Variants in TMEM163 observed in about 807,000 individuals in gnomAD.
TMEM163 encodes the protein transmembrane protein 163.
Under a neutral mutation model 29.3 loss-of-function variants are expected in TMEM163, and 17 were observed. The observed-to-expected ratio is 0.58, with a 90% CI of 0.40 to 0.87. The LOEUF is 0.87. Ranked by LOEUF, TMEM163 falls within the 40% of genes least tolerant of loss-of-function variation. The pLI is 0.00. For missense variants in TMEM163, 303 were observed against 381.5 expected, an observed-to-expected ratio of 0.79 and a Z score of 1.71; for synonymous variants, 157 against 160.6, an observed-to-expected ratio of 0.98 and a Z score of 0.17.
rs200429055 is a variant in TMEM163, at chr2:134,550,690, C to T, written c.367-29G>A. 3.7e-6 allele frequency: 6 copies of T among 1,601,494 alleles called. No individual in the cohort carries two copies. In the East Asian group the frequency reaches 1.1e-4, roughly 30 times the overall value. On this transcript the variant is annotated intron_variant, in intron 3 of 7. Coordinates refer to ENST00000281924, the MANE Select transcript of TMEM163 (RefSeq NM_030923.5). ...GGAGAAGGAGACATGGCATTAGAGGCTTTCCACAGTTAATAGCACACAAAT... is the reference window on the plus strand; with the variant it reads ...GGAGAAGGAGACATGGCATTAGAGGTTTTCCACAGTTAATAGCACACAAAT...
chr2:134,462,162 GTCTCTC>G (rs58581077), intron 6 of TMEM163, among the ~76,000 whole-genome samples: 24,803 of 151,362 alleles, frequency 0.16, 4,098 homozygotes, highest in African/African-American at 0.41. Flanking sequence ...TCTGCTCTCT[GTCTCTC>G]TCTCTCATTA....
intron 2 of TMEM163, among the ~76,000 whole-genome samples, chr2:134,602,713 C>G (rs1682263276): frequency 1.3e-5 from 2 of 152,132 alleles, no homozygotes; most frequent in Non-Finnish European, 2.9e-5. Flanking sequence ...ACTAATTAAC[C>G]TTTATCTTAC....
At position 134,713,224 on chromosome 2, in the gene TMEM163, G is replaced by C. The variant is rs142658303; in HGVS notation, c.298C>G (p.Leu100Val). Residue 100 changes from leucine to valine, a missense_variant, in exon 2 of 8, where the codon CTG becomes GTG. Around this residue, in one of 2 missense-constraint regions of TMEM163, gnomAD observed 203 missense variants for 294.3 expected, o/e 0.69. Coordinates refer to ENST00000281924, the MANE Select transcript of TMEM163 (RefSeq NM_030923.5). ...CTAAAGGCAGCCACCGCGAGGGCCA[G>C]GGTGACAATGATGGAGAACCAGGAC... ...WVSWFSIIVT[L>V]ALAVAAFTVS... The C allele has an allele frequency of 2.5e-6, 4 of 1,614,092 alleles. No individual in the cohort carries two copies. Among genetic ancestry groups the C allele is most frequent in the Non-Finnish European group, 3.4e-6 (4 of 1,179,990 alleles).
At chr2:134,473,798 A>G (rs1686858203) in intron 5 of TMEM163, among the ~76,000 whole-genome samples, 3 of 152,214 alleles carry the variant, frequency 2.0e-5, no homozygotes, top group Non-Finnish European at 4.4e-5. Context: ...GAAGAAATAG[A>G]CAAATCAAAC....
At chr2:134,674,294 T>C (rs2104869104) in intron 2 of TMEM163, among the ~76,000 whole-genome samples, 1 of 151,714 alleles carries the variant, frequency 6.6e-6, no homozygotes, top group South Asian at 2.1e-4. Flanking sequence ...CACTCATCTC[T>C]GGAGGGTAGG....
At chr2:134,709,043 C>G (rs1341859304) in intron 2 of TMEM163, among the ~76,000 whole-genome samples, 1 of 152,198 alleles carries the variant, frequency 6.6e-6, no homozygotes, top group Non-Finnish European at 1.5e-5. Context: ...TAAAAATTAA[C>G]TTGCACTCAA....
In TMEM163 at chr2:134,541,571, T is replaced by G. The variant is rs190110302; in HGVS notation, c.458+8999A>C. Among the ~76,000 whole-genome samples the G allele has an allele frequency of 9.5e-4, 144 of 152,346 alleles. 1 individual carries two copies. The highest frequency in any genetic ancestry group is 3.4e-3 in the Middle Eastern group (1 of 294). On this transcript the variant is annotated intron_variant, in intron 4 of 7. Transcript: ENST00000281924. ...TAAGGCATTGGAAATAACCCATGTC[T>G]TCAGCATAAAATTGCTAAAATAGGC...
intron 4 of TMEM163, among the ~76,000 whole-genome samples, chr2:134,512,530 A>C (rs1452662309): frequency 6.6e-6 from 1 of 152,228 alleles, no homozygotes; most frequent in Non-Finnish European, 1.5e-5. Flanking sequence ...TTAACTTGAT[A>C]AAGAGGAGTG....
At chr2:134,486,408 C>T (rs562248847) in intron 5 of TMEM163, among the ~76,000 whole-genome samples, 4 of 152,164 alleles carry the variant, frequency 2.6e-5, no homozygotes, top group African/African-American at 7.2e-5. Flanking sequence ...TTCGAAAAGA[C>T]GAGGACATAC....
chr2:134,641,657 A>G (rs977178450), intron 2 of TMEM163, among the ~76,000 whole-genome samples: 9 of 152,190 alleles, frequency 5.9e-5, no homozygotes, highest in African/African-American at 1.9e-4. Context: ...AACACGTTCA[A>G]ATAATTCAAA....
chr2:134,590,404 T>G (rs538560881), intron 2 of TMEM163, among the ~76,000 whole-genome samples: 130 of 152,292 alleles, frequency 8.5e-4, no homozygotes, highest in African/African-American at 2.9e-3. Flanking sequence ...TCTGAGCTAC[T>G]GTGGCTGCCC....
chr2:134,568,908 G>T (rs1028921917), intron 2 of TMEM163, among the ~76,000 whole-genome samples: 3 of 152,124 alleles, frequency 2.0e-5, no homozygotes, highest in African/African-American at 7.2e-5. Flanking sequence ...TGGGGAATCT[G>T]TCACAAGAAC....
At chr2:134,680,805 C>A (rs1166211110) in intron 2 of TMEM163, among the ~76,000 whole-genome samples, 1 of 152,142 alleles carries the variant, frequency 6.6e-6, no homozygotes, top group East Asian at 1.9e-4. Flanking sequence ...GGGGTTCAAG[C>A]CCAGCTTCGC....
intron 5 of TMEM163, chr2:134,467,748 C>T (rs1686702528): frequency 6.6e-6 from 1 of 152,130 alleles, no homozygotes; most frequent in Non-Finnish European, 1.5e-5. Context: ...TCTAGGGTTT[C>T]GTGAATAGTG....
At chr2:134,602,831 C>T (rs933070380) in intron 2 of TMEM163, among the ~76,000 whole-genome samples, 1 of 152,042 alleles carries the variant, frequency 6.6e-6, no homozygotes, top group Non-Finnish European at 1.5e-5. Context: ...CCGCCGAGGA[C>T]TCTTGTCTCC....
intron 2 of TMEM163, among the ~76,000 whole-genome samples, chr2:134,692,595 C>T (rs1394656500): frequency 1.3e-5 from 2 of 152,128 alleles, no homozygotes; most frequent in East Asian, 3.9e-4. Flanking sequence ...GAGGGCTCCC[C>T]GTGGGTTCCA....
At chr2:134,476,187 A>G (rs1686908446) in intron 5 of TMEM163, among the ~76,000 whole-genome samples, 1 of 152,244 alleles carries the variant, frequency 6.6e-6, no homozygotes, top group Non-Finnish European at 1.5e-5. Flanking sequence ...ATAGGGCTGC[A>G]TTTCAAAAGC....
intron 2 of TMEM163, among the ~76,000 whole-genome samples, chr2:134,647,727 G>T (rs1251964168): frequency 6.6e-6 from 1 of 152,240 alleles, no homozygotes; most frequent in African/African-American, 2.4e-5. Context: ...AAACTGGAGT[G>T]CACGGGTGCT....
rs78584779 is a variant in TMEM163, at chr2:134,682,987, G to A, written c.322+30213C>T. Among the ~76,000 whole-genome samples, 114 of 152,230 alleles carry A rather than the reference G, an allele frequency of 7.5e-4. 2 individuals are homozygous for A. In the East Asian group the frequency reaches 0.015, roughly 20 times the overall value. On this transcript the variant is annotated intron_variant, in intron 2 of 7. Transcript: ENST00000281924. Reference sequence around the variant, plus strand: ...GAAAAGACACGGAGGAACCGTAAACGCATATTGCAAAGAGAAAGAAGCCAA... The same window carrying A: ...GAAAAGACACGGAGGAACCGTAAACACATATTGCAAAGAGAAAGAAGCCAA...
Sources: gnomAD v4.1 joint callset for allele counts (sites outside exome capture counted in the v4.1 genomes callset) on GRCh38, gnomAD v4.1.1 for gene constraint, gnomAD v4.1.1 regional missense constraint, MANE v1.5 for transcripts, NCBI Gene and HGNC (gene_info 2026-07-23, HGNC 2026-07-21) for gene names.